Variants in ZHX1 observed in about 807,000 individuals in gnomAD.
ZHX1 encodes zinc fingers and homeoboxes protein 1.
A neutral mutation model predicts 61.8 loss-of-function variants in ZHX1; 20 were observed. The ratio of observed to expected loss-of-function variants is 0.32; its 90% CI spans 0.23 to 0.47. ZHX1 has a LOEUF of 0.47. Ranked by LOEUF, ZHX1 falls within the 20% of genes least tolerant of loss-of-function variation. ZHX1 has a pLI of 1.00. For synonymous variants in ZHX1, 318 were observed against 352.6 expected (o/e 0.90, Z 1.10); for missense variants, 800 against 1,034.8 (o/e 0.77, Z 3.11).
At chr8:123,262,822 G>A (rs1826318208) in intron 2 of ZHX1, 1 of 151,842 alleles carries the variant, frequency 6.6e-6, no homozygotes, top group Non-Finnish European at 1.5e-5. Context: ...CAAAAAACAT[G>A]GCTACATAAA....
rs1328610192 is a variant in ZHX1, at chr8:123,249,808, TGATA to T, written c.*512_*515del. 1 of 152,314 alleles carries T rather than the reference TGATA, an allele frequency of 6.6e-6. No homozygotes were observed. The highest frequency in any genetic ancestry group is 1.5e-5 in the Non-Finnish European group (1 of 68,178). The allele number at this position is 152,314 out of a possible 1,614,324, so 9.4% of individuals were successfully genotyped here. A position where few individuals can be genotyped will look rare whatever the true frequency, so the allele number is the denominator to read the frequency against. The stretch of plus-strand genomic sequence containing the variant: ...CAACTTTTAATCTTAGTGCAGGGTC[TGATA>T]AATAAGACATAGTAATAAATCAGGG... On this transcript the variant is annotated 3_prime_UTR_variant, in exon 4 of 4. Coordinates refer to ENST00000395571, the MANE Select transcript of ZHX1 (RefSeq NM_007222.5).
chr8:123,262,724 C>CCTA (rs1220595170), intron 2 of ZHX1: 1 of 152,032 alleles, frequency 6.6e-6, no homozygotes, highest in Non-Finnish European at 1.5e-5. Context: ...CCTAAAATTG[C>CCTA]AAATAGACTA....
rs201550572 is a variant in ZHX1, at chr8:123,254,635, C to T, written c.1312G>A (p.Ala438Thr). ...GCTGCTGTTGCTGGCTTTGTTTCTG[C>T]AGTAGGCTGAGCAGCAGGTACCTGA... The part of the protein sequence containing the change: ...KSQVPAAQPT[A>T]ETKPATAAVP... The change falls in exon 3 of 4, where the codon GCA (alanine) becomes ACA (threonine). Residue 438 changes from alanine (A) to threonine (T), a missense_variant. Ala to Thr is a moderately conservative substitution (Grantham distance 58, BLOSUM62 0). Coordinates refer to ENST00000395571, the MANE Select transcript of ZHX1 (RefSeq NM_007222.5). The surrounding 1 kb of genome is among the most constrained non-coding windows in gnomAD (Gnocchi z 4.1). The T allele has an allele frequency of 8.1e-6, 13 of 1,614,162 alleles. No homozygotes were observed. The East Asian group carries it at 2.7e-4, about 33-fold the overall frequency.
At chr8:123,260,560 T>C (rs924763381) in intron 2 of ZHX1, among the ~76,000 whole-genome samples, 1 of 149,988 alleles carries the variant, frequency 6.7e-6, no homozygotes, top group South Asian at 2.1e-4. Flanking sequence ...ATCAAACCAC[T>C]GCACTCCAGC....
At position 123,253,814 on chromosome 8, in the gene ZHX1, G is replaced by C. The variant is rs757426479; in HGVS notation, c.2133C>G (p.Thr711=). Residue 711 remains threonine (T), a synonymous_variant, in exon 3 of 4, where the codon ACC becomes ACG. Transcript: ENST00000395571. ...AGTTTCCATTCTTCCAAGCATAACG[G>C]GTGTCCCCAAACCAACTAACTATGT... is the stretch of plus-strand genomic sequence containing the variant. ...RTDIVSWFGD[T]RYAWKNGNLK... is the part of the protein sequence containing the mutation. The C allele has an allele frequency of 2.5e-6, 4 of 1,613,992 alleles. No individual in the cohort carries two copies. Among genetic ancestry groups the C allele is most frequent in the South Asian group, 1.1e-5 (1 of 91,088 alleles).
intron 2 of ZHX1, chr8:123,262,760 C>T (rs1168853683): frequency 3.9e-5 from 6 of 151,992 alleles, no homozygotes; most frequent in African/African-American, 1.2e-4. Context: ...CAGTTTATGA[C>T]CAATCTTTCT....
rs989830813 is a variant in ZHX1, at chr8:123,267,400, A to C, written c.-339-14T>G. On this transcript the variant is annotated splice_polypyrimidine_tract_variant and intron_variant, in intron 1 of 3. Transcript: ENST00000395571. ...GTCTGTCTTCTCCTACAAAAAAGTCATATTTTATTATTCTAGATATAATTT... is the reference window on the plus strand; with the variant it reads ...GTCTGTCTTCTCCTACAAAAAAGTCCTATTTTATTATTCTAGATATAATTT... 3.5e-5 allele frequency: 27 copies of C among 781,734 alleles called. No homozygotes were observed. The South Asian group carries it at 8.2e-4, about 24-fold the overall frequency. 48.4% of individuals were successfully genotyped at this position (781,734 alleles called of 1,614,324 possible).
chr8:123,267,156 G>T, intron 2 of ZHX1, 117 bp downstream of exon 2: 1 of 881,392 alleles, frequency 1.1e-6, no homozygotes, highest in Non-Finnish European at 1.7e-6. Context: ...TTAAGCATAT[G>T]TCTGCTGCTT....
chr8:123,272,096 A>G (rs1399675088), intron 1 of ZHX1, among the ~76,000 whole-genome samples: 1 of 152,264 alleles, frequency 6.6e-6, no homozygotes, highest in Non-Finnish European at 1.5e-5. Context: ...GTTCTAAACT[A>G]GTTTCTATTT....
In ZHX1 at chr8:123,253,954, A is replaced by C; in HGVS notation, c.1993T>G (p.Cys665Gly). ...TGCAGCTGCTCAGGTGTTTTTTTAC[A>C]TATCTTGCCTGTACTCCCTGACTTA... ...APKSGSTGKI[C>G]KKTPEQLHML... The change falls in exon 3 of 4, where the codon TGT becomes GGT. Residue 665 changes from cysteine (C) to glycine (G), a missense_variant. Physicochemically the swap from Cys to Gly is radical, Grantham distance 159. Coordinates refer to ENST00000395571, the MANE Select transcript of ZHX1 (RefSeq NM_007222.5). The C allele has an allele frequency of 6.2e-7, 1 of 1,614,162 alleles. No individual in the cohort carries two copies. Among genetic ancestry groups the C allele is most frequent in the Non-Finnish European group, 8.5e-7 (1 of 1,180,028 alleles).
At chr8:123,263,928 T>C (rs1826369665) in intron 2 of ZHX1, among the ~76,000 whole-genome samples, 1 of 152,198 alleles carries the variant, frequency 6.6e-6, no homozygotes, top group East Asian at 1.9e-4. Context: ...ATAAAAACAA[T>C]TGTGCTTGAT....
At chr8:123,274,978 C>T (rs1826799510), upstream of ZHX1, among the ~76,000 whole-genome samples, 1 of 152,170 alleles carries the variant, frequency 6.6e-6, no homozygotes, top group South Asian at 2.1e-4. Context: ...CCCTTGTCAG[C>T]GGCAGCTCCA....
chr8:123,260,405 G>A (rs932280613), intron 2 of ZHX1, among the ~76,000 whole-genome samples: 1 of 150,870 alleles, frequency 6.6e-6, no homozygotes, highest in Non-Finnish European at 1.5e-5. Flanking sequence ...TTGAGACCAG[G>A]CTGGCCAACA....
At chr8:123,252,182 C>G (rs1466350615) in intron 3 of ZHX1, among the ~76,000 whole-genome samples, 8 of 152,162 alleles carry the variant, frequency 5.3e-5, no homozygotes, top group Admixed American at 5.2e-4. Flanking sequence ...TAGCAAGATG[C>G]TATTTGGACT....
chr8:123,265,008 G>A (rs900694986), intron 2 of ZHX1, among the ~76,000 whole-genome samples: 20 of 150,752 alleles, frequency 1.3e-4, no homozygotes, highest in African/African-American at 4.8e-4. Context: ...GGCCAACATG[G>A]TGAAACCCTG....
At chr8:123,266,221 C>A (rs962187644) in intron 2 of ZHX1, among the ~76,000 whole-genome samples, 14 of 152,240 alleles carry the variant, frequency 9.2e-5, no homozygotes, top group Non-Finnish European at 1.9e-4. Flanking sequence ...TTTTTCCCTA[C>A]TTTTCTCAAG....
intron 2 of ZHX1, 117 bp downstream of exon 2, chr8:123,267,156 G>C: frequency 1.1e-6 from 1 of 881,394 alleles, no homozygotes; most frequent in Non-Finnish European, 1.7e-6. Context: ...TTAAGCATAT[G>C]TCTGCTGCTT....
intron 1 of ZHX1, among the ~76,000 whole-genome samples, chr8:123,267,685 T>C (rs887752502): frequency 9.2e-5 from 14 of 152,132 alleles, no homozygotes; most frequent in African/African-American, 3.4e-4. Context: ...AAAATTGAGA[T>C]GCAGAAATTG....
chr8:123,261,218 T>C (rs1053041932), intron 2 of ZHX1, among the ~76,000 whole-genome samples: 2 of 151,716 alleles, frequency 1.3e-5, no homozygotes, highest in South Asian at 4.2e-4. Flanking sequence ...CAAACAAAGG[T>C]ATCCTCGGAA....
Sources: gnomAD v4.1 joint callset for allele counts (sites outside exome capture counted in the v4.1 genomes callset) on GRCh38, gnomAD v4.1.1 for gene constraint, Gnocchi (gnomAD v3.1) non-coding constraint, MANE v1.5 for transcripts, NCBI Gene and HGNC (gene_info 2026-07-23, HGNC 2026-07-21) for gene names.